Variants in CCDC102B observed in about 807,000 individuals in gnomAD.
CCDC102B encodes coiled-coil domain-containing protein 102B.
In CCDC102B, 75 loss-of-function variants were observed where a neutral mutation model predicts 57.4. The observed-to-expected ratio is 1.31, with a 90% CI of 1.08 to 1.58. CCDC102B has a LOEUF of 1.58. CCDC102B is among the 40% of genes most tolerant of loss of function. The probability of loss-of-function intolerance (pLI) is 0.00; values close to 1 mark genes in which losing one functional copy is unlikely to be tolerated. For synonymous variants in CCDC102B, 206 were observed against 201.9 expected, an observed-to-expected ratio of 1.02 and a Z score of -0.17; for missense variants, 636 against 582.6, an observed-to-expected ratio of 1.09 and a Z score of -0.94.
intron 5 of CCDC102B, among the ~76,000 whole-genome samples, chr18:68,887,837 T>C (rs562281220): frequency 6.6e-6 from 1 of 152,210 alleles, no homozygotes; most frequent in Non-Finnish European, 1.5e-5. Context: ...AACTTGTCTA[T>C]CTGTGCAAGA....
At chr18:68,734,575 C>T (rs1215115115) in intron 2 of CCDC102B, among the ~76,000 whole-genome samples, 3 of 152,108 alleles carry the variant, frequency 2.0e-5, no homozygotes, top group Admixed American at 6.6e-5. Context: ...ATTTTAACTC[C>T]GTTTCAGATT....
rs1555725390 is a variant in CCDC102B at position 68,913,310 on chromosome 18, C to CTGTGTGGGTGTGTG, written c.1263+15888_1263+15889insGGTGTGTGTGTGTG. 2.2e-5 allele frequency among the ~76,000 whole-genome samples: 3 copies of CTGTGTGGGTGTGTG among 135,496 alleles called. No homozygotes were observed. The Admixed American group carries it at 2.3e-4, about 10-fold the overall frequency. The allele number at this position is 135,496 out of a possible 152,430, so 88.9% of individuals were successfully genotyped here. ...TAATTTTCCATTGGATGGTTAGTGT[C>CTGTGTGGGTGTGTG]TGTGTGTGTGTGTGTGTGTGTGTGT... On this transcript the variant is annotated intron_variant, in intron 6 of 7. Coordinates refer to ENST00000360242, the MANE Select transcript of CCDC102B (RefSeq NM_024781.3).
intron 1 of CCDC102B, among the ~76,000 whole-genome samples, chr18:68,808,071 C>T (rs1226638032): frequency 1.1e-4 from 16 of 152,106 alleles, no homozygotes; most frequent in African/African-American, 3.6e-4. Context: ...CTATAAGTTT[C>T]ATATTATAGA....
rs117419477 is a variant in CCDC102B at position 68,914,049 on chromosome 18, C to T, written c.1263+16621C>T. On this transcript the variant is annotated intron_variant, in intron 6 of 7. Coordinates refer to ENST00000360242, the MANE Select transcript of CCDC102B (RefSeq NM_024781.3). ...AGGTAATTTTTATGTGCACTATATT[C>T]GGAAAATGACAAATCACCACCAATT... 8.8e-3 allele frequency among the ~76,000 whole-genome samples: 1,336 copies of T among 152,280 alleles called. 9 individuals carry two copies. Among genetic ancestry groups the T allele is most frequent in the Admixed American group, 0.017 (259 of 15,294 alleles).
At chr18:68,837,938 C>T (rs560781282) in intron 2 of CCDC102B, among the ~76,000 whole-genome samples, 3 of 152,178 alleles carry the variant, frequency 2.0e-5, no homozygotes, top group Non-Finnish European at 4.4e-5. Context: ...AGGAATGAAT[C>T]ATCCTAGGTA....
intron 4 of CCDC102B, among the ~76,000 whole-genome samples, chr18:68,864,972 A>G (rs1410088997): frequency 6.6e-6 from 1 of 152,040 alleles, no homozygotes; most frequent in East Asian, 1.9e-4. Context: ...TCCTATCAAT[A>G]TGAATTCTGT....
chr18:68,967,982 A>G (rs1006723370), intron 6 of CCDC102B, among the ~76,000 whole-genome samples: 3 of 152,188 alleles, frequency 2.0e-5, no homozygotes, highest in Non-Finnish European at 2.9e-5. Flanking sequence ...ATTATTTCCT[A>G]CAAAAATGTC....
intron 6 of CCDC102B, among the ~76,000 whole-genome samples, chr18:68,909,307 T>C (rs1347267053): frequency 6.6e-6 from 1 of 152,160 alleles, no homozygotes; most frequent in African/African-American, 2.4e-5. Flanking sequence ...AAAATAACGA[T>C]CTAGTCTACT....
At chr18:68,775,840 G>A (rs2034795512) in intron 2 of CCDC102B, among the ~76,000 whole-genome samples, 1 of 151,952 alleles carries the variant, frequency 6.6e-6, no homozygotes, top group South Asian at 2.1e-4. Context: ...TTTTAGTAGA[G>A]ATGGGGTTTC....
chr18:68,784,943 C>T (rs989616420), intron 2 of CCDC102B, among the ~76,000 whole-genome samples: 5 of 151,638 alleles, frequency 3.3e-5, no homozygotes, highest in Non-Finnish European at 7.4e-5. Context: ...CGTCATTTAG[C>T]ATTAGGTATA....
At chr18:68,969,857 G>A (rs1350922384) in intron 6 of CCDC102B, among the ~76,000 whole-genome samples, 3 of 151,926 alleles carry the variant, frequency 2.0e-5, no homozygotes, top group Admixed American at 6.6e-5. Flanking sequence ...CATGTAATCA[G>A]AAATATTATA....
chr18:69,025,101 G>A (rs184334349), intron 7 of CCDC102B, among the ~76,000 whole-genome samples: 84 of 152,048 alleles, frequency 5.5e-4, no homozygotes, highest in African/African-American at 1.8e-3. Flanking sequence ...AAGTAAATAG[G>A]TAATCTGGCT....
At chr18:68,903,863 A>G (rs930037239) in intron 6 of CCDC102B, among the ~76,000 whole-genome samples, 1 of 152,196 alleles carries the variant, frequency 6.6e-6, no homozygotes. Flanking sequence ...GAATTCATCT[A>G]AAAGTGGAAA....
intron 7 of CCDC102B, among the ~76,000 whole-genome samples, chr18:69,043,355 A>G (rs966289660): frequency 1.3e-5 from 2 of 152,066 alleles, no homozygotes; most frequent in African/African-American, 2.4e-5. Flanking sequence ...CAAGTGCAAG[A>G]GGCATGCCTT....
At chr18:68,948,384 ATG>A (rs1234771022) in intron 6 of CCDC102B, among the ~76,000 whole-genome samples, 1 of 152,134 alleles carries the variant, frequency 6.6e-6, no homozygotes, top group East Asian at 1.9e-4. Flanking sequence ...TTGCTAAATG[ATG>A]TCTTTTTCAT....
intron 3 of CCDC102B, among the ~76,000 whole-genome samples, chr18:68,841,203 C>T (rs566014835): frequency 1.1e-4 from 16 of 152,208 alleles, no homozygotes; most frequent in South Asian, 2.1e-4. Context: ...TGGGTGGCTT[C>T]GACTGAGATG....
At chr18:68,878,524 T>C (rs1010434863) in intron 5 of CCDC102B, among the ~76,000 whole-genome samples, 4 of 151,984 alleles carry the variant, frequency 2.6e-5, no homozygotes, top group Non-Finnish European at 1.5e-5. Flanking sequence ...CTTTAGGAGT[T>C]GATTAAGTTA....
At chr18:68,973,559 G>GT (rs1216375293) in intron 6 of CCDC102B, among the ~76,000 whole-genome samples, 2 of 152,046 alleles carry the variant, frequency 1.3e-5, no homozygotes, top group African/African-American at 4.8e-5. Context: ...AGAAATGGTG[G>GT]TGGGTACACT....
chr18:68,801,000 T>C (rs1245068601), intron 1 of CCDC102B, among the ~76,000 whole-genome samples: 1 of 152,184 alleles, frequency 6.6e-6, no homozygotes, highest in Non-Finnish European at 1.5e-5. Context: ...GCTTATTTCA[T>C]AACAACGAGG....
Sources: allele counts gnomAD v4.1 joint callset (sites outside exome capture counted in the v4.1 genomes callset), GRCh38; gene constraint gnomAD v4.1.1; transcripts MANE v1.5; gene names NCBI Gene and HGNC (gene_info 2026-07-23, HGNC 2026-07-21).